The following ETV6 variants were observed in gnomAD, a reference collection of about 807,000 sequenced individuals.
The protein encoded by ETV6 is transcription factor ETV6.
Under a neutral mutation model 51.1 loss-of-function variants are expected in ETV6, and 16 were observed. The observed-to-expected ratio is 0.31, with a 90% confidence interval of 0.21 to 0.48. The LOEUF (loss-of-function observed/expected upper bound fraction) is 0.48. Among genes scored for constraint, ETV6 ranks in the 20% least tolerant of loss-of-function variants. ETV6 has a pLI of 0.99. For missense variants in ETV6, 458 were observed against 594.8 expected, an observed-to-expected ratio of 0.77 and a Z score of 2.39; for synonymous variants, 240 against 224.1, an observed-to-expected ratio of 1.07 and a Z score of -0.64.
intron 1 of ETV6, among the ~76,000 whole-genome samples, chr12:11,711,576 G>C (rs755991937): frequency 6.6e-6 from 1 of 151,942 alleles, no homozygotes; most frequent in African/African-American, 2.4e-5. Context: ...TTCCTTTTTT[G>C]AAGAAAAGAG....
At chr12:11,709,260 C>G (rs1865130688) in intron 1 of ETV6, among the ~76,000 whole-genome samples, 1 of 152,192 alleles carries the variant, frequency 6.6e-6, no homozygotes, top group Admixed American at 6.5e-5. Flanking sequence ...GCCCTCTTAT[C>G]CCAGTTAGCC....
chr12:11,794,126 CG>C (rs990054578), intron 2 of ETV6, among the ~76,000 whole-genome samples: 1 of 152,156 alleles, frequency 6.6e-6, no homozygotes, highest in Non-Finnish European at 1.5e-5. Flanking sequence ...TGGGAACCCA[CG>C]GAAGTCAGAG....
At chr12:11,783,402 G>GC (rs1945438612) in intron 2 of ETV6, among the ~76,000 whole-genome samples, 1 of 152,166 alleles carries the variant, frequency 6.6e-6, no homozygotes, top group Admixed American at 6.5e-5. Flanking sequence ...AATTTCTGTG[G>GC]CGGGGAGAGG....
chr12:11,728,571 G>A (rs1232876107), intron 1 of ETV6, among the ~76,000 whole-genome samples: 2 of 152,122 alleles, frequency 1.3e-5, no homozygotes, highest in Non-Finnish European at 2.9e-5. Flanking sequence ...CCCAGTCCGT[G>A]GAAAAATGTT....
intron 4 of ETV6, among the ~76,000 whole-genome samples, chr12:11,863,046 C>G (rs1039364776): frequency 1.6e-4 from 25 of 152,178 alleles, no homozygotes; most frequent in African/African-American, 6.0e-4. Context: ...TCTTCTCTGA[C>G]CAGCATCCGT....
At position 11,690,267 on chromosome 12, in the gene ETV6, C is replaced by T. The variant is rs548215770; in HGVS notation, c.33+40107C>T. Among the ~76,000 whole-genome samples the T allele has an allele frequency of 1.1e-4, 16 of 151,926 alleles. No individual in the cohort carries two copies. The South Asian group carries it at 3.1e-3, about 30-fold the overall frequency. On this transcript the variant is annotated intron_variant, in intron 1 of 7. Coordinates refer to ENST00000396373, the MANE Select transcript of ETV6 (RefSeq NM_001987.5). ...AGATGCAGTGTGAGCTGTCCTTTCTCCCCCTTCCTCACGTCCTTACAAGAC... is the reference window on the plus strand; with the variant it reads ...AGATGCAGTGTGAGCTGTCCTTTCTTCCCCTTCCTCACGTCCTTACAAGAC...
At chr12:11,715,657 T>C (rs529454277) in intron 1 of ETV6, among the ~76,000 whole-genome samples, 9 of 152,352 alleles carry the variant, frequency 5.9e-5, no homozygotes, top group African/African-American at 1.4e-4. Flanking sequence ...GTCGAACTTA[T>C]AGAGGTCACA....
intron 1 of ETV6, among the ~76,000 whole-genome samples, chr12:11,739,780 A>G (rs932392189): frequency 1.3e-5 from 2 of 152,172 alleles, no homozygotes; most frequent in African/African-American, 4.8e-5. Flanking sequence ...CTTGTTTTTC[A>G]TGTAGCTACC....
At chr12:11,818,729 C>T (rs1188913514) in intron 2 of ETV6, among the ~76,000 whole-genome samples, 1 of 152,146 alleles carries the variant, frequency 6.6e-6, no homozygotes, top group Admixed American at 6.5e-5. Context: ...GTACTCTTCC[C>T]TCCACTTGGC....
At chr12:11,650,288 AG>A in intron 1 of ETV6, 128 bp downstream of exon 1, 1 of 797,604 alleles carries the variant, frequency 1.3e-6, no homozygotes. Context: ...TTGGGGCGAG[AG>A]GGAAAGAGAT....
chr12:11,806,280 G>C (rs1273026341), intron 2 of ETV6, among the ~76,000 whole-genome samples: 1 of 152,174 alleles, frequency 6.6e-6, no homozygotes, highest in Non-Finnish European at 1.5e-5. Flanking sequence ...TCAGGTTGAG[G>C]AATAATCTTT....
chr12:11,853,405 T>G, intron 3 of ETV6, 22 bp from the exon 4 acceptor site: 1 of 1,613,852 alleles, frequency 6.2e-7, no homozygotes, highest in Non-Finnish European at 8.5e-7. Context: ...TTTCTCGATT[T>G]CCCTTTCCTT....
At chr12:11,837,425 G>A (rs761487070) in intron 2 of ETV6, among the ~76,000 whole-genome samples, 17 of 152,108 alleles carry the variant, frequency 1.1e-4, no homozygotes, top group Non-Finnish European at 2.2e-4. Flanking sequence ...GACTTCCACA[G>A]GTTTAGAGGA....
In ETV6 at chr12:11,869,448, G is replaced by T. The variant is rs1342658587; in HGVS notation, c.488G>T (p.Arg163Met). 6 of 1,612,614 alleles carry T rather than the reference G, an allele frequency of 3.7e-6. No individual in the cohort carries two copies. The highest frequency in any genetic ancestry group is 5.1e-6 in the Non-Finnish European group (6 of 1,179,258). The change falls in exon 5 of 8, where the codon AGG (arginine) becomes ATG (methionine). Residue 163 changes from arginine to methionine, a missense_variant. Around this residue, in one of 4 missense-constraint regions of ETV6, gnomAD observed 293 missense variants for 315.7 expected, o/e 0.93. Coordinates refer to ENST00000396373, the MANE Select transcript of ETV6 (RefSeq NM_001987.5). This position sits in a 1 kb window ranked among gnomAD's most constrained non-coding sequence, Gnocchi z 5.0. ...EEDNCVQRTPRPSVDNVHHNP... is the reference protein window; with the variant it reads ...EEDNCVQRTPMPSVDNVHHNP... ...GATAACTGTGTCCAGAGGACCCCCA[G>T]GCCATCCGTGGATAATGTGCACCAT...
chr12:11,790,633 T>C (rs545834596), intron 2 of ETV6, among the ~76,000 whole-genome samples: 1 of 143,268 alleles, frequency 7.0e-6, no homozygotes, highest in Non-Finnish European at 1.5e-5. Context: ...ATCTTTCATA[T>C]AATTTCCGTT....
At chr12:11,739,845 A>C (rs1195660411) in intron 1 of ETV6, among the ~76,000 whole-genome samples, 2 of 152,202 alleles carry the variant, frequency 1.3e-5, no homozygotes, top group Non-Finnish European at 1.5e-5. Context: ...GGACAGTGCG[A>C]GTCTAGACAG....
intron 7 of ETV6, among the ~76,000 whole-genome samples, chr12:11,889,541 A>G (rs941384288): frequency 5.3e-5 from 8 of 152,220 alleles, no homozygotes; most frequent in African/African-American, 1.9e-4. Flanking sequence ...AGTGCCATTA[A>G]GCAGCTCTTT....
At chr12:11,668,059 C>T (rs1864229474) in intron 1 of ETV6, among the ~76,000 whole-genome samples, 1 of 151,806 alleles carries the variant, frequency 6.6e-6, no homozygotes, top group Non-Finnish European at 1.5e-5. Flanking sequence ...GTCTTGAACT[C>T]CTGGACTCAA....
chr12:11,676,836 A>G (rs1184511793), intron 1 of ETV6, among the ~76,000 whole-genome samples: 1 of 152,016 alleles, frequency 6.6e-6, no homozygotes, highest in African/African-American at 2.4e-5. Context: ...TGGAAAACAG[A>G]ATTTGGTCTT....
Sources: allele counts gnomAD v4.1 joint callset (sites outside exome capture counted in the v4.1 genomes callset), GRCh38; gene constraint gnomAD v4.1.1; regional missense constraint gnomAD v4.1.1; non-coding constraint Gnocchi (gnomAD v3.1); transcripts MANE v1.5; gene names NCBI Gene and HGNC (gene_info 2026-07-23, HGNC 2026-07-21).